The following JAM2 variants were observed in gnomAD, a reference collection of about 807,000 sequenced individuals.
JAM2 encodes junctional adhesion molecule 2, also known as junctional adhesion molecule B.
A neutral mutation model predicts 42.0 loss-of-function variants in JAM2; 17 were observed. The ratio of observed to expected loss-of-function variants is 0.40; its 90% CI spans 0.28 to 0.61. JAM2 has a LOEUF of 0.61. Among genes scored for constraint, JAM2 ranks in the 20% least tolerant of loss-of-function variants. JAM2 has a pLI of 0.37. For synonymous variants in JAM2, 118 were observed against 128.6 expected (o/e 0.92, Z 0.56); for missense variants, 319 against 358.3 (o/e 0.89, Z 0.89).
In JAM2 at chr21:25,639,815, C is replaced by G. The variant is rs1442509509; in HGVS notation, c.-7C>G. 5.7e-6 allele frequency: 9 copies of G among 1,578,198 alleles called. No individual in the cohort carries two copies. The South Asian group carries it at 8.1e-5, about 14-fold the overall frequency. Reference sequence around the variant, plus strand: ...TCCTCAGAGCAGCCGGCTGCCGCCCCGGGAAGATGGCGAGGAGGAGCCGCC... The same window carrying G: ...TCCTCAGAGCAGCCGGCTGCCGCCCGGGGAAGATGGCGAGGAGGAGCCGCC... On this transcript the variant is annotated 5_prime_UTR_variant, in exon 1 of 10. Coordinates refer to ENST00000480456, the MANE Select transcript of JAM2 (RefSeq NM_021219.4).
At chr21:25,711,357 G>A (rs2034379901) in intron 8 of JAM2, 1 of 453,702 alleles carries the variant, frequency 2.2e-6, no homozygotes. Context: ...TGTCCTTCTT[G>A]TATGTACAGA....
intron 1 of JAM2, among the ~76,000 whole-genome samples, chr21:25,673,386 A>G: frequency 6.6e-6 from 1 of 152,206 alleles, no homozygotes; most frequent in African/African-American, 2.4e-5. Context: ...CTCAATTCTG[A>G]ATCATCAGTA....
In JAM2 at chr21:25,717,544, G is replaced by C. The variant is rs2034500055; in HGVS notation, c.*2872G>C. 1.5e-6 allele frequency: 2 copies of C among 1,327,670 alleles called. No individual in the cohort carries two copies. Among genetic ancestry groups the C allele is most frequent in the East Asian group, 5.3e-5 (2 of 37,968 alleles). The allele number at this position is 1,327,670 out of a possible 1,614,324, so 82.2% of individuals were successfully genotyped here. A position where few individuals can be genotyped will look rare whatever the true frequency, so the allele number is the denominator to read the frequency against. ...CCACAGGTGGCTTTGTTCGATTAAA[G>C]TCTACACTAATAAAAATAGCTGAAC... On this transcript the variant is annotated 3_prime_UTR_variant, in exon 10 of 10. Coordinates refer to ENST00000480456, the MANE Select transcript of JAM2 (RefSeq NM_021219.4).
chr21:25,710,708 G>C (rs1463423341), intron 8 of JAM2, among the ~76,000 whole-genome samples: 2 of 152,250 alleles, frequency 1.3e-5, no homozygotes, highest in East Asian at 3.8e-4. Context: ...GCGTACAAAA[G>C]TAGCGGTGGG....
At chr21:25,693,260 A>ATT (rs201686444) in intron 3 of JAM2, among the ~76,000 whole-genome samples, 1 of 145,600 alleles carries the variant, frequency 6.9e-6, no homozygotes. Context: ...GCTTTTTTGA[A>ATT]TTTTTTTTTT....
At position 25,639,491 on chromosome 21, in the gene JAM2, T is replaced by C; in HGVS notation, c.-331T>C. On this transcript the variant is annotated 5_prime_UTR_variant, in exon 1 of 10. Coordinates refer to ENST00000480456, the MANE Select transcript of JAM2 (RefSeq NM_021219.4). ...GGCGGAGGGACGACCCGCCGGGGCT[T>C]TCCCGGGCGCTGCTCTCCTCCTGCT... The C allele has an allele frequency of 4.0e-6, 1 of 247,556 alleles. No homozygotes were observed. The allele number at this position is 247,556 out of a possible 1,614,324, so 15.3% of individuals were successfully genotyped here.
chr21:25,690,365 C>T (rs78304125), intron 3 of JAM2, among the ~76,000 whole-genome samples: 3,256 of 151,014 alleles, frequency 0.022, 119 homozygotes, highest in African/African-American at 0.075. Context: ...ATTTTGTTCT[C>T]TTGCCCAGTC....
intron 4 of JAM2, among the ~76,000 whole-genome samples, chr21:25,695,023 C>A (rs1205499448): frequency 1.3e-5 from 2 of 148,562 alleles, no homozygotes; most frequent in South Asian, 4.3e-4. Flanking sequence ...GGGTGTTTCT[C>A]GCAGAGGGGG....
chr21:25,714,170 GAGTT>G (rs1419620235), intron 9 of JAM2: 48 of 1,301,700 alleles, frequency 3.7e-5, no homozygotes, highest in South Asian at 4.9e-5. Flanking sequence ...TGTCTGCTAG[GAGTT>G]AGTTAGTTAA....
chr21:25,708,395 C>T (rs1051367753), intron 7 of JAM2, among the ~76,000 whole-genome samples: 7 of 151,988 alleles, frequency 4.6e-5, no homozygotes, highest in African/African-American at 1.2e-4. Context: ...ATAGGGAGAC[C>T]CTTTCTTTAC....
chr21:25,696,339 T>C (rs564184772), intron 4 of JAM2, among the ~76,000 whole-genome samples: 1 of 151,948 alleles, frequency 6.6e-6, no homozygotes, highest in East Asian at 1.9e-4. Context: ...ATGGCAGCAG[T>C]ACAGTCCAGC....
intron 1 of JAM2, among the ~76,000 whole-genome samples, chr21:25,669,381 A>AAAAAAAAG (rs139958612): frequency 6.7e-6 from 1 of 149,382 alleles, no homozygotes; most frequent in Non-Finnish European, 1.5e-5. Flanking sequence ...CAAAAAAAAG[A>AAAAAAAAG]AAAAAAAGAA....
chr21:25,695,548 G>C (rs933255131), intron 4 of JAM2, among the ~76,000 whole-genome samples: 2 of 150,120 alleles, frequency 1.3e-5, no homozygotes, highest in African/African-American at 5.0e-5. Flanking sequence ...CCCAGACAGG[G>C]CGGCCGGGCA....
At chr21:25,684,033 G>C (rs2033696945) in intron 2 of JAM2, 85 bp downstream of exon 2, 1 of 845,302 alleles carries the variant, frequency 1.2e-6, no homozygotes, top group Non-Finnish European at 1.8e-6. Flanking sequence ...TCTATTTGTT[G>C]GGATTCTCTG....
intron 1 of JAM2, among the ~76,000 whole-genome samples, chr21:25,649,385 A>G (rs2032707259): frequency 6.6e-6 from 1 of 152,204 alleles, no homozygotes; most frequent in African/African-American, 2.4e-5. Flanking sequence ...CCGGAAGCAG[A>G]AGTGCCGAGC....
intron 4 of JAM2, among the ~76,000 whole-genome samples, chr21:25,695,962 C>T (rs562756733): frequency 2.0e-5 from 3 of 152,010 alleles, no homozygotes; most frequent in Admixed American, 1.3e-4. Context: ...CAGGCAGAGA[C>T]GCTCCTCACT....
chr21:25,689,712 A>G (rs1296462311), intron 2 of JAM2, among the ~76,000 whole-genome samples, 154 bp from the exon 3 acceptor site: 1 of 152,248 alleles, frequency 6.6e-6, no homozygotes, highest in Non-Finnish European at 1.5e-5. Flanking sequence ...AAGGCTTCCA[A>G]TTCATGGGAC....
rs1342929426 is a variant in JAM2 at position 25,708,773 on chromosome 21, T to G, written c.806-661T>G. On this transcript the variant is annotated intron_variant, in intron 7 of 9. Transcript: ENST00000480456. ...ATAATACTGGTCTGAGTTTTTTTAA[T>G]GAGGAGTTAGTAAAAAAATTTTCCT... Among the ~76,000 whole-genome samples, 7 of 152,306 alleles carry G rather than the reference T, an allele frequency of 4.6e-5. No individual in the cohort carries two copies. The East Asian group carries it at 1.3e-3, about 29-fold the overall frequency.
At chr21:25,667,812 G>T (rs1174385294) in intron 1 of JAM2, among the ~76,000 whole-genome samples, 1 of 151,986 alleles carries the variant, frequency 6.6e-6, no homozygotes, top group Non-Finnish European at 1.5e-5. Context: ...CAAAATAAAG[G>T]GCCCCACCTT....
Sources: allele counts gnomAD v4.1 joint callset (sites outside exome capture counted in the v4.1 genomes callset), GRCh38; gene constraint gnomAD v4.1.1; transcripts MANE v1.5; gene names NCBI Gene and HGNC (gene_info 2026-07-23, HGNC 2026-07-21).